Variants in KCNIP4 observed in about 807,000 individuals in gnomAD.
The protein encoded by KCNIP4 is Kv channel-interacting protein 4.
KCNIP4 carries 12 observed loss-of-function variants against 34.0 expected under a neutral mutation model. The ratio of observed to expected loss-of-function variants is 0.35; its 90% CI spans 0.23 to 0.57. KCNIP4 has a LOEUF of 0.57. Ranked by LOEUF, KCNIP4 falls within the 20% of genes least tolerant of loss-of-function variation. KCNIP4 has a pLI of 0.83. For missense variants in KCNIP4, 238 were observed against 311.7 expected, an observed-to-expected ratio of 0.76 and a Z score of 1.78; for synonymous variants, 124 against 102.2, an observed-to-expected ratio of 1.21 and a Z score of -1.29.
At chr4:21,830,403 G>A (rs1483871407) in intron 1 of KCNIP4, among the ~76,000 whole-genome samples, 1 of 152,072 alleles carries the variant, frequency 6.6e-6, no homozygotes, top group Non-Finnish European at 1.5e-5. Flanking sequence ...GGCCAGGCAT[G>A]GTGACTCATG....
At chr4:21,167,270 T>A (rs1577816367) in intron 1 of KCNIP4, among the ~76,000 whole-genome samples, 1 of 152,194 alleles carries the variant, frequency 6.6e-6, no homozygotes, top group South Asian at 2.1e-4. Flanking sequence ...TGTTCACTAC[T>A]TTGATTAGAA....
intron 1 of KCNIP4, among the ~76,000 whole-genome samples, chr4:21,344,616 A>G (rs1717110104): frequency 1.3e-5 from 2 of 152,128 alleles, no homozygotes; most frequent in Admixed American, 1.3e-4. Flanking sequence ...GAAAAGATGG[A>G]ATGAACCAAT....
chr4:21,302,384 G>C (rs1449393760), intron 1 of KCNIP4, among the ~76,000 whole-genome samples: 1 of 152,182 alleles, frequency 6.6e-6, no homozygotes, highest in African/African-American at 2.4e-5. Flanking sequence ...CCTCAACAGA[G>C]CTAGGAATTC....
At chr4:21,370,485 C>A (rs1362683886) in intron 1 of KCNIP4, among the ~76,000 whole-genome samples, 1 of 144,620 alleles carries the variant, frequency 6.9e-6, no homozygotes, top group Admixed American at 6.7e-5. Context: ...TTAAGAAGTT[C>A]ATTATAAAGT....
chr4:21,449,134 G>A (rs1728292905), intron 1 of KCNIP4, among the ~76,000 whole-genome samples: 1 of 152,166 alleles, frequency 6.6e-6, no homozygotes, highest in Non-Finnish European at 1.5e-5. Context: ...CAGAGGTATG[G>A]GCTGAAAGGA....
chr4:21,752,551 A>G (rs13146273), intron 1 of KCNIP4, among the ~76,000 whole-genome samples: 13,958 of 152,178 alleles, frequency 0.092, 676 homozygotes, highest in Middle Eastern at 0.18. Context: ...TGGTGGGAAC[A>G]CAAAGCCTAA....
At chr4:21,505,502 A>C (rs748753757) in intron 1 of KCNIP4, among the ~76,000 whole-genome samples, 1 of 152,194 alleles carries the variant, frequency 6.6e-6, no homozygotes, top group Non-Finnish European at 1.5e-5. Flanking sequence ...ACTTTGTCCA[A>C]CTGTCCCCTC....
intron 5 of KCNIP4, among the ~76,000 whole-genome samples, chr4:20,745,822 A>G (rs1015896555): frequency 3.3e-5 from 5 of 152,172 alleles, no homozygotes; most frequent in African/African-American, 7.2e-5. Flanking sequence ...CTCCCTGCCA[A>G]TCAAAGACTG....
chr4:20,826,723 T>C (rs1717807061), intron 3 of KCNIP4, among the ~76,000 whole-genome samples: 2 of 152,152 alleles, frequency 1.3e-5, no homozygotes, highest in African/African-American at 2.4e-5. Context: ...TTTTTTGTAA[T>C]GAGAGCCTGG....
chr4:21,182,765 A>G (rs536029199), intron 1 of KCNIP4, among the ~76,000 whole-genome samples: 3 of 152,162 alleles, frequency 2.0e-5, no homozygotes, highest in African/African-American at 7.2e-5. Context: ...TTAAAATAGT[A>G]TATATAGTAT....
At chr4:21,253,723 G>A (rs1760874562) in intron 1 of KCNIP4, among the ~76,000 whole-genome samples, 1 of 152,154 alleles carries the variant, frequency 6.6e-6, no homozygotes, top group Non-Finnish European at 1.5e-5. Flanking sequence ...GGCTGCTTCT[G>A]CCACACAGAG....
intron 1 of KCNIP4, among the ~76,000 whole-genome samples, chr4:21,324,907 A>AT (rs1714878267): frequency 6.6e-6 from 1 of 151,788 alleles, no homozygotes; most frequent in East Asian, 1.9e-4. Context: ...ATATATTTCC[A>AT]TTTTTTATGT....
At chr4:20,995,425 T>C (rs1737461776) in intron 1 of KCNIP4, among the ~76,000 whole-genome samples, 1 of 152,206 alleles carries the variant, frequency 6.6e-6, no homozygotes, top group South Asian at 2.1e-4. Flanking sequence ...ATTTTTTTAG[T>C]AGCCATCTCT....
At chr4:21,794,495 C>T (rs765189831) in intron 1 of KCNIP4, among the ~76,000 whole-genome samples, 7 of 152,158 alleles carry the variant, frequency 4.6e-5, no homozygotes, top group Non-Finnish European at 1.0e-4. Flanking sequence ...AGAGCAATAA[C>T]TGCAACACGA....
intron 1 of KCNIP4, among the ~76,000 whole-genome samples, chr4:21,009,715 T>G (rs1037418484): frequency 6.6e-6 from 1 of 152,254 alleles, no homozygotes; most frequent in African/African-American, 2.4e-5. Context: ...CCTAGGGCAT[T>G]TTAGTACATG....
intron 1 of KCNIP4, among the ~76,000 whole-genome samples, chr4:21,638,763 T>C (rs1302591344): frequency 1.3e-5 from 2 of 152,218 alleles, no homozygotes; most frequent in Non-Finnish European, 2.9e-5. Flanking sequence ...CTGTCTGCTA[T>C]AGACCTGAAT....
intron 1 of KCNIP4, among the ~76,000 whole-genome samples, chr4:21,448,080 C>A (rs562037169): frequency 8.5e-5 from 13 of 152,180 alleles, no homozygotes; most frequent in African/African-American, 2.9e-4. Context: ...GAGGCTATAA[C>A]AAATGCCTAA....
At chr4:21,415,377 T>A (rs528981884) in intron 1 of KCNIP4, among the ~76,000 whole-genome samples, 1 of 152,138 alleles carries the variant, frequency 6.6e-6, no homozygotes, top group East Asian at 1.9e-4. Flanking sequence ...AGATCTGTTG[T>A]ACAACATTGT....
chr4:21,196,002 A>T (rs975801153), intron 1 of KCNIP4, among the ~76,000 whole-genome samples: 1 of 152,148 alleles, frequency 6.6e-6, no homozygotes, highest in African/African-American at 2.4e-5. Flanking sequence ...TTTGTTTTTC[A>T]TATTTTGTTC....
Sources: allele counts gnomAD v4.1 joint callset (sites outside exome capture counted in the v4.1 genomes callset), GRCh38; gene constraint gnomAD v4.1.1; transcripts MANE v1.5; gene names NCBI Gene and HGNC (gene_info 2026-07-23, HGNC 2026-07-21).